The following EYS variants were observed in gnomAD, a reference collection of about 807,000 sequenced individuals.
The protein encoded by EYS is protein eyes shut homolog.
In EYS, 250 loss-of-function variants were observed where a neutral mutation model predicts 282.1. The observed-to-expected ratio is 0.89, with a 90% CI of 0.80 to 0.98. The LOEUF is 0.98. Among genes scored for constraint, EYS ranks in the 50% least tolerant of loss-of-function variants. The probability of loss-of-function intolerance (pLI) is 0.00; values close to 1 mark genes in which losing one functional copy is unlikely to be tolerated. For synonymous variants in EYS, 1,355 were observed against 1,282.9 expected, an observed-to-expected ratio of 1.06 and a Z score of -1.20; for missense variants, 4,016 against 3,709.0, an observed-to-expected ratio of 1.08 and a Z score of -2.15.
chr6:65,537,147 T>C (rs1025435229), intron 2 of EYS, among the ~76,000 whole-genome samples: 4 of 152,014 alleles, frequency 2.6e-5, no homozygotes, highest in African/African-American at 9.7e-5. Context: ...AGTTGAACAG[T>C]GAGAACACAC....
chr6:64,246,667 C>G (rs756969675), intron 30 of EYS, among the ~76,000 whole-genome samples: 4 of 152,124 alleles, frequency 2.6e-5, no homozygotes, highest in Non-Finnish European at 2.9e-5. Flanking sequence ...GTAATGAACA[C>G]TTACCATAGT....
chr6:64,024,109 T>C (rs1417173453), intron 33 of EYS, among the ~76,000 whole-genome samples: 1 of 152,202 alleles, frequency 6.6e-6, no homozygotes, highest in African/African-American at 2.4e-5. Flanking sequence ...ACCCAAGGGC[T>C]GAGGAGTGCA....
intron 12 of EYS, among the ~76,000 whole-genome samples, chr6:65,293,675 A>T (rs1768587759): frequency 6.6e-6 from 1 of 151,856 alleles, no homozygotes. Flanking sequence ...CAGTGTAAGG[A>T]TCACCCCAGA....
At chr6:65,197,127 A>G (rs1345229190) in intron 12 of EYS, among the ~76,000 whole-genome samples, 1 of 152,106 alleles carries the variant, frequency 6.6e-6, no homozygotes, top group East Asian at 1.9e-4. Flanking sequence ...GGTACATGAG[A>G]GGCAGAATAC....
chr6:64,829,819 T>C (rs533553940), intron 19 of EYS, among the ~76,000 whole-genome samples: 26 of 152,108 alleles, frequency 1.7e-4, no homozygotes, highest in Admixed American at 1.6e-3. Flanking sequence ...GCCATCCTTC[T>C]TTGTGAACAA....
intron 30 of EYS, among the ~76,000 whole-genome samples, chr6:64,257,567 A>G (rs1555223): frequency 0.69 from 104,439 of 151,824 alleles, 35,943 homozygotes; most frequent in South Asian, 0.71. Context: ...AGGGCCTATG[A>G]CTTTTGTATC....
chr6:65,633,151 A>G (rs377417952), intron 2 of EYS, among the ~76,000 whole-genome samples: 1 of 152,194 alleles, frequency 6.6e-6, no homozygotes, highest in Admixed American at 6.5e-5. Context: ...TGAACTATCC[A>G]TCATAAGATT....
chr6:65,263,087 TC>T (rs1283424221), intron 12 of EYS, among the ~76,000 whole-genome samples: 1 of 152,090 alleles, frequency 6.6e-6, no homozygotes, highest in Admixed American at 6.6e-5. Context: ...ACGCCTATAA[TC>T]CCAGCCCTTT....
intron 18 of EYS, among the ~76,000 whole-genome samples, chr6:64,900,791 T>C (rs553461749): frequency 6.6e-6 from 1 of 152,214 alleles, no homozygotes; most frequent in African/African-American, 2.4e-5. Context: ...ACACTGTTGG[T>C]GGGAGTGTAA....
chr6:65,407,405 A>C (rs1282716020), intron 5 of EYS, among the ~76,000 whole-genome samples: 1 of 151,906 alleles, frequency 6.6e-6, no homozygotes, highest in Non-Finnish European at 1.5e-5. Flanking sequence ...ACAGGCATGC[A>C]TCACCATGCC....
chr6:64,015,715 A>G (rs1178812768), intron 33 of EYS, among the ~76,000 whole-genome samples: 3 of 152,182 alleles, frequency 2.0e-5, no homozygotes, highest in African/African-American at 7.2e-5. Context: ...AGAGGGTAAG[A>G]AGGAAAGACA....
intron 22 of EYS, among the ~76,000 whole-genome samples, chr6:64,810,577 A>C (rs1191327855): frequency 6.6e-6 from 1 of 152,076 alleles, no homozygotes; most frequent in East Asian, 1.9e-4. Flanking sequence ...CACAGTCTTT[A>C]CCTTTTTTGT....
intron 29 of EYS, among the ~76,000 whole-genome samples, chr6:64,370,631 C>T (rs1238945393): frequency 2.0e-5 from 3 of 152,036 alleles, no homozygotes; most frequent in Non-Finnish European, 4.4e-5. Context: ...TAGAATTTGG[C>T]TGTAAATTCA....
At chr6:65,200,618 A>T (rs926186629) in intron 12 of EYS, among the ~76,000 whole-genome samples, 1 of 151,626 alleles carries the variant, frequency 6.6e-6, no homozygotes, top group Non-Finnish European at 1.5e-5. Context: ...CACGAAGTAC[A>T]GTTATTGTAT....
At position 65,133,006 on chromosome 6, in the gene EYS, G is replaced by A. The variant is rs538798886; in HGVS notation, c.2024-75279C>T. ...AAGGACCTAGGAGTATAGCTAATCA[G>A]GGAAGTGAAAGATGTCTATAATGAG... On this transcript the variant is annotated intron_variant, in intron 12 of 42. Transcript: ENST00000503581. Among the ~76,000 whole-genome samples, 9 of 152,046 alleles carry A rather than the reference G, an allele frequency of 5.9e-5. No individual in the cohort carries two copies. In the South Asian group the frequency reaches 1.9e-3, roughly 32 times the overall value.
chr6:64,832,992 C>T (rs1341339357), intron 19 of EYS, among the ~76,000 whole-genome samples: 1 of 151,872 alleles, frequency 6.6e-6, no homozygotes, highest in Non-Finnish European at 1.5e-5. Flanking sequence ...CATCATTGAG[C>T]TCCAACCATT....
chr6:65,699,508 G>A (rs1489470895), intron 1 of EYS, among the ~76,000 whole-genome samples: 2 of 152,142 alleles, frequency 1.3e-5, no homozygotes, highest in African/African-American at 2.4e-5. Context: ...GCCAACAGAT[G>A]TAAGTAGTAG....
chr6:65,183,300 G>T (rs1765437267), intron 12 of EYS, among the ~76,000 whole-genome samples: 1 of 151,782 alleles, frequency 6.6e-6, no homozygotes, highest in Non-Finnish European at 1.5e-5. Flanking sequence ...CTGTCAAAAG[G>T]TCTCACTTAA....
At chr6:64,611,273 ACTTCCACTATGTGGT>A (rs68048476) in intron 24 of EYS, among the ~76,000 whole-genome samples, 2,229 of 152,216 alleles carry the variant, frequency 0.015, 44 homozygotes, top group East Asian at 0.096. Context: ...CTCAGGGTGG[ACTTCCACTATGTGGT>A]GCAGATTAAG....
Sources: gnomAD v4.1 joint callset for allele counts (sites outside exome capture counted in the v4.1 genomes callset) on GRCh38, gnomAD v4.1.1 for gene constraint, MANE v1.5 for transcripts, NCBI Gene and HGNC (gene_info 2026-07-23, HGNC 2026-07-21) for gene names.